The following CERS6 variants were observed in gnomAD, a reference collection of about 807,000 sequenced individuals.
CERS6 encodes ceramide synthase 6.
CERS6 carries 26 observed loss-of-function variants against 56.8 expected under a neutral mutation model. That is an observed-to-expected ratio of 0.46 (90% CI 0.34 to 0.63). CERS6 has a LOEUF of 0.63. CERS6 is among the 30% of genes least tolerant of loss of function. The probability of loss-of-function intolerance (pLI) is 0.01; values close to 1 mark genes in which losing one functional copy is unlikely to be tolerated. For synonymous variants in CERS6, 164 were observed against 173.3 expected (o/e 0.95, Z 0.42); for missense variants, 415 against 467.5 (o/e 0.89, Z 1.04).
At chr2:168,498,885 G>T (rs886527419) in intron 1 of CERS6, among the ~76,000 whole-genome samples, 1 of 152,158 alleles carries the variant, frequency 6.6e-6, no homozygotes, top group African/African-American at 2.4e-5. Flanking sequence ...GGTTAGTGAG[G>T]AGGGGGTATA....
At chr2:168,663,192 A>G (rs1250060189) in intron 4 of CERS6, among the ~76,000 whole-genome samples, 1 of 152,198 alleles carries the variant, frequency 6.6e-6, no homozygotes, top group Non-Finnish European at 1.5e-5. Context: ...CCAGTTAAAC[A>G]CAGTGTATGT....
At chr2:168,615,902 C>T (rs538355589) in intron 3 of CERS6, among the ~76,000 whole-genome samples, 1 of 152,274 alleles carries the variant, frequency 6.6e-6, no homozygotes, top group South Asian at 2.1e-4. Flanking sequence ...AAGATCATCG[C>T]CTAGGCACAC....
At chr2:168,634,491 C>T (rs1482106640) in intron 4 of CERS6, among the ~76,000 whole-genome samples, 2 of 152,156 alleles carry the variant, frequency 1.3e-5, no homozygotes, top group Non-Finnish European at 2.9e-5. Context: ...TGGCCCACTG[C>T]AACCTACCCC....
chr2:168,597,550 C>T (rs1325894331), intron 3 of CERS6, among the ~76,000 whole-genome samples: 1 of 152,078 alleles, frequency 6.6e-6, no homozygotes, highest in Admixed American at 6.6e-5. Flanking sequence ...GGTGCATCTG[C>T]CATACAAGCT....
intron 8 of CERS6, among the ~76,000 whole-genome samples, chr2:168,732,920 C>A (rs1220062782): frequency 6.6e-6 from 1 of 151,476 alleles, no homozygotes; most frequent in Admixed American, 6.6e-5. Flanking sequence ...GTTTACAATG[C>A]AAAGAGATAG....
chr2:168,594,089 A>G (rs896175200), intron 3 of CERS6, among the ~76,000 whole-genome samples: 2 of 152,210 alleles, frequency 1.3e-5, no homozygotes, highest in African/African-American at 2.4e-5. Context: ...ATTCATGATT[A>G]TTTCATTTCA....
intron 6 of CERS6, among the ~76,000 whole-genome samples, chr2:168,698,282 C>T (rs1226034548): frequency 7.4e-6 from 1 of 135,652 alleles, no homozygotes; most frequent in East Asian, 2.1e-4. Context: ...AAAAGAAACA[C>T]CTGAGACTGG....
chr2:168,486,242 G>C (rs1694272166), intron 1 of CERS6, among the ~76,000 whole-genome samples: 1 of 152,092 alleles, frequency 6.6e-6, no homozygotes, highest in African/African-American at 2.4e-5. Flanking sequence ...TGGATACCAG[G>C]TAGTCTTTTA....
At chr2:168,631,529 TAC>T (rs1273440850) in intron 4 of CERS6, among the ~76,000 whole-genome samples, 1 of 119,152 alleles carries the variant, frequency 8.4e-6, no homozygotes, top group Non-Finnish European at 1.6e-5. Flanking sequence ...ATTATATAAA[TAC>T]ATATTAAATA....
chr2:168,711,750 G>T (rs1486136979), intron 6 of CERS6, among the ~76,000 whole-genome samples: 2 of 104,232 alleles, frequency 1.9e-5, no homozygotes, highest in East Asian at 3.0e-4. Flanking sequence ...AAAAAAAAAA[G>T]TATAGTTAGG....
At chr2:168,665,357 T>C (rs1168652498) in intron 4 of CERS6, among the ~76,000 whole-genome samples, 1 of 152,184 alleles carries the variant, frequency 6.6e-6, no homozygotes, top group Non-Finnish European at 1.5e-5. Context: ...TTTAAACATT[T>C]ACTACCAATT....
At chr2:168,658,005 T>C (rs1419472503) in intron 4 of CERS6, among the ~76,000 whole-genome samples, 1 of 152,200 alleles carries the variant, frequency 6.6e-6, no homozygotes, top group Admixed American at 6.5e-5. Context: ...CACCTCTCAA[T>C]ATAATACAAT....
chr2:168,643,950 C>G (rs1488398693), intron 4 of CERS6, among the ~76,000 whole-genome samples: 1 of 152,216 alleles, frequency 6.6e-6, no homozygotes, highest in Non-Finnish European at 1.5e-5. Context: ...GCCTACCATA[C>G]CATGCCGGTC....
At chr2:168,490,319 C>T (rs1409784820) in intron 1 of CERS6, among the ~76,000 whole-genome samples, 1 of 152,136 alleles carries the variant, frequency 6.6e-6, no homozygotes, top group Non-Finnish European at 1.5e-5. Context: ...TTCCAGGTTC[C>T]TGTGGTCATA....
At chr2:168,537,586 A>T (rs867322657) in intron 1 of CERS6, among the ~76,000 whole-genome samples, 1 of 152,146 alleles carries the variant, frequency 6.6e-6, no homozygotes, top group Non-Finnish European at 1.5e-5. Flanking sequence ...TGCATATTTT[A>T]TGTAAATATC....
intron 1 of CERS6, among the ~76,000 whole-genome samples, chr2:168,546,747 A>G (rs1352304943): frequency 1.3e-5 from 2 of 152,242 alleles, no homozygotes; most frequent in Non-Finnish European, 2.9e-5. Context: ...TACTACTGAA[A>G]ATGAATATTT....
chr2:168,485,047 T>G (rs187625958), intron 1 of CERS6, among the ~76,000 whole-genome samples: 1 of 152,214 alleles, frequency 6.6e-6, no homozygotes, highest in Admixed American at 6.5e-5. Context: ...TTCAGCTGTT[T>G]GCCTCATAAT....
At chr2:168,554,611 C>G (rs1219951369) in intron 2 of CERS6, among the ~76,000 whole-genome samples, 1 of 152,146 alleles carries the variant, frequency 6.6e-6, no homozygotes, top group Non-Finnish European at 1.5e-5. Context: ...GCAAACCATT[C>G]AACACCTTCA....
intron 1 of CERS6, among the ~76,000 whole-genome samples, chr2:168,504,396 A>G (rs1018620970): frequency 1.1e-4 from 16 of 152,110 alleles, no homozygotes; most frequent in African/African-American, 3.6e-4. Context: ...GAAATCATCA[A>G]TGCATTGTAA....
Sources: gnomAD v4.1 joint callset for allele counts (sites outside exome capture counted in the v4.1 genomes callset) on GRCh38, gnomAD v4.1.1 for gene constraint, MANE v1.5 for transcripts, NCBI Gene and HGNC (gene_info 2026-07-23, HGNC 2026-07-21) for gene names.